The following CRYBG3 variants were observed in gnomAD, a reference collection of about 807,000 sequenced individuals.
The protein encoded by CRYBG3 is very large A-kinase anchor protein.
A neutral mutation model predicts 244.2 loss-of-function variants in CRYBG3; 127 were observed. The ratio of observed to expected loss-of-function variants is 0.52; its 90% CI spans 0.45 to 0.60. CRYBG3 has a LOEUF of 0.60. CRYBG3 is among the 20% of genes least tolerant of loss of function. CRYBG3 has a pLI of 0.00. For missense variants in CRYBG3, 3,325 were observed against 3,442.5 expected, an observed-to-expected ratio of 0.97 and a Z score of 0.85; for synonymous variants, 1,132 against 1,195.8, an observed-to-expected ratio of 0.95 and a Z score of 1.10.
chr3:97,839,684 A>G (rs1267610487), intron 1 of CRYBG3, among the ~76,000 whole-genome samples: 5 of 151,720 alleles, frequency 3.3e-5, no homozygotes, highest in Non-Finnish European at 5.9e-5. Flanking sequence ...GTCTCACTCT[A>G]TCACCCAGGT....
At chr3:97,834,916 A>G (rs79503031) in intron 1 of CRYBG3, among the ~76,000 whole-genome samples, 2,262 of 152,236 alleles carry the variant, frequency 0.015, 50 homozygotes, top group African/African-American at 0.052. Flanking sequence ...GTATAAAATT[A>G]TAAGAGGACG....
At position 97,874,481 on chromosome 3, in the gene CRYBG3, G is replaced by C; in HGVS notation, c.3287G>C (p.Gly1096Ala). ...GTTACCAAAGATCTCACACATGAAG[G>C]TACCTCTGTAACTAACCTGTTGTAC... is the stretch of plus-strand genomic sequence containing the variant. ...IQVTKDLTHE[G>A]TSVTNLLYPT... The change falls in exon 4 of 22, where the codon GGT becomes GCT. Residue 1096 changes from glycine (G) to alanine (A), a missense_variant. Coordinates refer to ENST00000389622, the MANE Select transcript of CRYBG3 (RefSeq NM_153605.4). 1.3e-6 allele frequency: 2 copies of C among 1,533,960 alleles called. No homozygotes were observed. The highest frequency in any genetic ancestry group is 4.9e-5 in the East Asian group (2 of 40,902).
intron 17 of CRYBG3, among the ~76,000 whole-genome samples, chr3:97,922,780 C>T (rs964118100): frequency 1.6e-4 from 24 of 152,092 alleles, no homozygotes; most frequent in African/African-American, 3.6e-4. Flanking sequence ...GACAGTGTGG[C>T]GATTCCTCAA....
intron 17 of CRYBG3, among the ~76,000 whole-genome samples, chr3:97,933,295 A>G (rs2040119008): frequency 6.6e-6 from 1 of 152,044 alleles, no homozygotes; most frequent in Admixed American, 6.6e-5. Flanking sequence ...ATTCCTAGTG[A>G]CTGCTCCTGT....
At chr3:97,864,827 A>G (rs772904215) in intron 3 of CRYBG3, among the ~76,000 whole-genome samples, 180 bp downstream of exon 3, 4 of 152,046 alleles carry the variant, frequency 2.6e-5, no homozygotes, top group African/African-American at 4.8e-5. Flanking sequence ...GGTACAGAGA[A>G]CCATACAGGT....
intron 7 of CRYBG3, among the ~76,000 whole-genome samples, chr3:97,882,882 C>A (rs1466930925): frequency 6.6e-6 from 1 of 152,110 alleles, no homozygotes; most frequent in Non-Finnish European, 1.5e-5. Context: ...CTATATTTAA[C>A]AATATTTGTG....
chr3:97,850,864 G>T (rs961482351), intron 2 of CRYBG3, among the ~76,000 whole-genome samples: 3 of 152,170 alleles, frequency 2.0e-5, no homozygotes, highest in Admixed American at 2.0e-4. Context: ...TAAGATTTTA[G>T]CATCAGCCTG....
At chr3:97,895,426 G>C (rs899339613) in intron 11 of CRYBG3, among the ~76,000 whole-genome samples, 1 of 152,124 alleles carries the variant, frequency 6.6e-6, no homozygotes, top group African/African-American at 2.4e-5. Flanking sequence ...GCTAATAATA[G>C]CTCAGTCGAA....
intron 7 of CRYBG3, among the ~76,000 whole-genome samples, chr3:97,882,972 A>G (rs1305656451): frequency 6.6e-6 from 1 of 152,162 alleles, no homozygotes; most frequent in Admixed American, 6.5e-5. Flanking sequence ...CAGGTTGCTT[A>G]AAGACTCGGG....
intron 2 of CRYBG3, among the ~76,000 whole-genome samples, chr3:97,856,431 T>G (rs1237164306): frequency 2.0e-5 from 3 of 152,146 alleles, no homozygotes; most frequent in Admixed American, 6.5e-5. Context: ...GAGATTAAAG[T>G]AAAGAGAGGC....
At chr3:97,835,248 G>A (rs1043270568) in intron 1 of CRYBG3, among the ~76,000 whole-genome samples, 1 of 152,076 alleles carries the variant, frequency 6.6e-6, no homozygotes, top group Non-Finnish European at 1.5e-5. Flanking sequence ...GTATTCTAAT[G>A]GGGAGGGCAG....
chr3:97,836,648 T>C (rs1410300231), intron 1 of CRYBG3, among the ~76,000 whole-genome samples: 1 of 152,166 alleles, frequency 6.6e-6, no homozygotes, highest in Non-Finnish European at 1.5e-5. Context: ...AAGGGTAATG[T>C]AGATCCCATG....
rs988907438 is a variant in CRYBG3, at chr3:97,822,428, C to T, written c.149+73C>T. ...GGATGAAGGCTCCCGGCCTGACCGC[C>T]GGCAGCGGGCCGCTCTTGGGCCAGG... On this transcript the variant is annotated intron_variant, in intron 1 of 21. Coordinates refer to ENST00000389622, the MANE Select transcript of CRYBG3 (RefSeq NM_153605.4). 16 of 1,327,356 alleles carry T rather than the reference C, an allele frequency of 1.2e-5. No homozygotes were observed. The African/African-American group carries it at 1.8e-4, about 15-fold the overall frequency. 82.2% of individuals were successfully genotyped at this position (1,327,356 alleles called of 1,614,324 possible).
intron 2 of CRYBG3, among the ~76,000 whole-genome samples, chr3:97,861,494 G>T (rs2039147310): frequency 6.6e-6 from 1 of 152,112 alleles, no homozygotes; most frequent in Non-Finnish European, 1.5e-5. Context: ...ACATAGCAAA[G>T]AGAGTAGATA....
In CRYBG3 at chr3:97,873,709, T is replaced by C. The variant is rs567897815; in HGVS notation, c.2515T>C (p.Ser839Pro). 1.0e-5 allele frequency: 16 copies of C among 1,535,968 alleles called. No homozygotes were observed. In the South Asian group the frequency reaches 1.9e-4, roughly 18 times the overall value. ...HSGRGKTISL[S>P]KVSLSKVEPR... Reference sequence around the variant, plus strand: ...TGGAAGAGGAAAAACTATATCCTTGTCCAAGGTATCTCTTTCAAAAGTGGA... The same window carrying C: ...TGGAAGAGGAAAAACTATATCCTTGCCCAAGGTATCTCTTTCAAAAGTGGA... The change falls in exon 4 of 22, where the codon TCC (serine) becomes CCC (proline). Residue 839 changes from serine (S) to proline (P), a missense_variant. Physicochemically the swap from Ser to Pro is moderately conservative, Grantham distance 74 (BLOSUM62 -1). Coordinates refer to ENST00000389622, the MANE Select transcript of CRYBG3 (RefSeq NM_153605.4).
intron 15 of CRYBG3, among the ~76,000 whole-genome samples, chr3:97,910,460 T>C (rs1194764488): frequency 6.6e-6 from 1 of 152,224 alleles, no homozygotes; most frequent in Non-Finnish European, 1.5e-5. Context: ...GTGTACCGTT[T>C]TTTAAGCCCG....
Position 97,942,444 on chromosome 3 carries a change from G to A in CRYBG3, c.8824+1G>A, listed in dbSNP as rs774492633. 2.4e-5 allele frequency: 38 copies of A among 1,607,172 alleles called. No homozygotes were observed. The highest frequency in any genetic ancestry group is 2.7e-5 in the Non-Finnish European group (32 of 1,176,160). The stretch of plus-strand genomic sequence containing the variant: ...GATCAACTTGTCCTTGATGTTAAAG[G>A]TGGGCCTTTGATGATACCCAATGTT... On this transcript the variant is annotated splice_donor_variant, in intron 21 of 21. Coordinates refer to ENST00000389622, the MANE Select transcript of CRYBG3 (RefSeq NM_153605.4). LOFTEE classifies it high-confidence loss of function.
In CRYBG3 at chr3:97,871,982, C is replaced by T; in HGVS notation, c.788C>T (p.Ser263Phe). ...TLDRENESSD[S>F]STNRHIDPGS... ...GACAGAGAAAATGAAAGTTCTGACT[C>T]TAGTACAAACAGACACATTGACCCT... Residue 263 changes from serine to phenylalanine, a missense_variant, in exon 4 of 22, where the codon TCT becomes TTT. Coordinates refer to ENST00000389622, the MANE Select transcript of CRYBG3 (RefSeq NM_153605.4). The T allele has an allele frequency of 6.5e-7, 1 of 1,535,844 alleles. No individual in the cohort carries two copies. The highest frequency in any genetic ancestry group is 8.7e-7 in the Non-Finnish European group (1 of 1,146,736).
intron 1 of CRYBG3, among the ~76,000 whole-genome samples, chr3:97,826,964 T>G: frequency 6.6e-6 from 1 of 152,362 alleles, no homozygotes; most frequent in Non-Finnish European, 1.5e-5. Flanking sequence ...GTTCTCACAT[T>G]ATTAACTTTT....
Sources: gnomAD v4.1 joint callset for allele counts (sites outside exome capture counted in the v4.1 genomes callset) on GRCh38, gnomAD v4.1.1 for gene constraint, MANE v1.5 for transcripts, NCBI Gene and HGNC (gene_info 2026-07-23, HGNC 2026-07-21) for gene names.